The following ALPK3 variants were observed in gnomAD, a reference collection of about 807,000 sequenced individuals.
ALPK3 encodes the protein alpha kinase 3.
A neutral mutation model predicts 140.0 loss-of-function variants in ALPK3; 102 were observed. The ratio of observed to expected loss-of-function variants is 0.73; its 90% confidence interval spans 0.62 to 0.86. The LOEUF is 0.86. Ranked by LOEUF, ALPK3 falls within the 40% of genes least tolerant of loss-of-function variation. The probability of loss-of-function intolerance (pLI) is 0.00; values close to 1 mark genes in which losing one functional copy is unlikely to be tolerated. For synonymous variants in ALPK3, 938 were observed against 898.5 expected, an observed-to-expected ratio of 1.04 and a Z score of -0.79; for missense variants, 2,254 against 2,208.2, an observed-to-expected ratio of 1.02 and a Z score of -0.42.
chr15:84,856,056 G>C (rs190905273), intron 5 of ALPK3, among the ~76,000 whole-genome samples: 1 of 152,298 alleles, frequency 6.6e-6, no homozygotes, highest in East Asian at 1.9e-4. Flanking sequence ...CCTTCATATG[G>C]TAGGGGTGAG....
At position 84,856,867 on chromosome 15, in the gene ALPK3, C is replaced by T. The variant is rs202167259; in HGVS notation, c.2129C>T (p.Thr710Met). The T allele has an allele frequency of 2.4e-5, 38 of 1,613,880 alleles. No individual in the cohort carries two copies. Among genetic ancestry groups the T allele is most frequent in the East Asian group, 1.6e-4 (7 of 44,864 alleles). The change falls in exon 6 of 14, where the codon ACG (threonine) becomes ATG (methionine). Residue 710 changes from threonine to methionine, a missense_variant. Around this residue, in one of 3 missense-constraint regions of ALPK3, gnomAD observed 2,088 missense variants for 2,022.9 expected, o/e 1.03. Transcript: ENST00000258888. ...AAGGGGATGCAGGGAGAGAAGGGGA[C>T]GCAGTCAGAGGGGAGCGCGCCCACA... is the stretch of plus-strand genomic sequence containing the variant. ...GEKGMQGEKGTQSEGSAPTAM... is the reference protein window; with the variant it reads ...GEKGMQGEKGMQSEGSAPTAM...
At chr15:84,827,682 T>C (rs575735430) in intron 3 of ALPK3, 77 bp downstream of exon 3, 2 of 1,577,090 alleles carry the variant, frequency 1.3e-6, no homozygotes, top group African/African-American at 1.3e-5. Flanking sequence ...AGGACAGGAA[T>C]GGTGGGGTGG....
rs1224441388 is a variant in ALPK3, at chr15:84,873,005, G to C, written c.*4549G>C. On this transcript the variant is annotated 3_prime_UTR_variant, in exon 14 of 14. Coordinates refer to ENST00000258888, the MANE Select transcript of ALPK3 (RefSeq NM_020778.5). ...GGGGCGTCTGGCCTTTTTCATTCCT[G>C]GGACCCACAGCTCGAGGTCTGGTTT... The C allele has an allele frequency of 3.3e-5, 5 of 152,134 alleles. No individual in the cohort carries two copies. Among genetic ancestry groups the C allele is most frequent in the Admixed American group, 3.3e-4 (5 of 15,266 alleles). 9.4% of individuals were successfully genotyped at this position (152,134 alleles called of 1,614,324 possible). A position where few individuals can be genotyped will look rare whatever the true frequency, so the allele number is the denominator to read the frequency against.
Position 84,839,064 on chromosome 15 carries a change from A to T in ALPK3, c.389A>T (p.His130Leu). The change falls in exon 4 of 14, where the codon CAT (histidine) becomes CTT (leucine). Residue 130 changes from histidine (H) to leucine (L), a missense_variant. Transcript: ENST00000258888. ...YCGLPKYEIT[H>L]QGNRHTLQLY... is the part of the protein sequence containing the mutation. The stretch of plus-strand genomic sequence containing the variant: ...GGCTTGCCAAAATATGAGATCACTC[A>T]TCAGGGCAACCGCCACACACTGCAG... 6.2e-7 allele frequency: 1 copy of T among 1,609,568 alleles called. No individual in the cohort carries two copies.
chr15:84,862,804 A>G lies in ALPK3; in HGVS notation c.4299A>G (p.Glu1433=). The change falls in exon 10 of 14, where the codon GAA becomes GAG. Residue 1433 remains glutamate (E), a synonymous_variant. Transcript: ENST00000258888. The stretch of plus-strand genomic sequence containing the variant: ...AGGCCAAGGTCATCTACGGGCTGGA[A>G]CCCATCTTCGAGTCGGGCCGCACGT... ...ASQAKVIYGL[E]PIFESGRTCI... is the part of the protein sequence containing the mutation. The G allele has an allele frequency of 6.2e-7, 1 of 1,613,872 alleles. No individual in the cohort carries two copies. The highest frequency in any genetic ancestry group is 8.5e-7 in the Non-Finnish European group (1 of 1,179,970).
chr15:84,862,795 C>T lies in ALPK3; in HGVS notation c.4290C>T (p.Tyr1430=), dbSNP rs755476608. Residue 1430 remains tyrosine (Y), a synonymous_variant, in exon 10 of 14, where the codon TAC becomes TAT. Transcript: ENST00000258888. ...AGGCCTCCCAGGCCAAGGTCATCTA[C>T]GGGCTGGAACCCATCTTCGAGTCGG... is the stretch of plus-strand genomic sequence containing the variant. ...LRKASQAKVI[Y]GLEPIFESGR... 60 of 1,614,004 alleles carry T rather than the reference C, an allele frequency of 3.7e-5. No individual in the cohort carries two copies. The highest frequency in any genetic ancestry group is 6.7e-5 in the African/African-American group (5 of 74,904).
At chr15:84,843,583 C>T (rs181000591) in intron 5 of ALPK3, among the ~76,000 whole-genome samples, 6 of 152,260 alleles carry the variant, frequency 3.9e-5, no homozygotes, top group African/African-American at 9.6e-5. Context: ...GAGTTACTGA[C>T]GAGCTCCAAG....
chr15:84,820,223 G>T (rs1963406569), intron 1 of ALPK3, among the ~76,000 whole-genome samples: 1 of 152,174 alleles, frequency 6.6e-6, no homozygotes, highest in Non-Finnish European at 1.5e-5. Flanking sequence ...ATTCTTGGAG[G>T]CCCTGGTCCA....
intron 11 of ALPK3, 80 bp downstream of exon 11, chr15:84,863,720 C>A: frequency 7.2e-7 from 1 of 1,390,268 alleles, no homozygotes; most frequent in Non-Finnish European, 9.8e-7. Context: ...TTCACAGCCT[C>A]CCAGGGGCAT....
chr15:84,837,245 A>C (rs1488530592), intron 3 of ALPK3, among the ~76,000 whole-genome samples: 2 of 152,372 alleles, frequency 1.3e-5, no homozygotes, highest in East Asian at 3.9e-4. Context: ...AGAAGGACAC[A>C]GTAGAGCAGG....
At chr15:84,848,109 A>T (rs570995213) in intron 5 of ALPK3, among the ~76,000 whole-genome samples, 1 of 151,998 alleles carries the variant, frequency 6.6e-6, no homozygotes, top group Non-Finnish European at 1.5e-5. Context: ...TAAATTTTTC[A>T]TAGAGAAAGG....
rs1963372895 is a variant in ALPK3, at chr15:84,817,468, G to C, written c.16G>C (p.Ala6Pro). The C allele has an allele frequency of 7.4e-7, 1 of 1,350,034 alleles. No homozygotes were observed. Among genetic ancestry groups the C allele is most frequent in the East Asian group, 3.2e-5 (1 of 31,528 alleles). The allele number at this position is 1,350,034 out of a possible 1,614,324, so 83.6% of individuals were successfully genotyped here. Reference protein sequence around the residue: MGSRRAPSRGWGAGGR... With the variant: MGSRRPPSRGWGAGGR... ...GGGCGGTGCCATGGGGTCGCGGAGG[G>C]CCCCCAGCCGGGGCTGGGGCGCGGG... The change falls in exon 1 of 14, where the codon GCC becomes CCC. Residue 6 changes from alanine to proline, a missense_variant. By Grantham distance (27) the Ala-to-Pro change is conservative (BLOSUM62 -1). This residue lies in a region of ALPK3 where 2,088 missense variants were observed against 2,022.9 expected (regional missense o/e 1.03). Coordinates refer to ENST00000258888, the MANE Select transcript of ALPK3 (RefSeq NM_020778.5).
intron 2 of ALPK3, 89 bp downstream of exon 2, chr15:84,823,457 C>G (rs1963451176): frequency 2.0e-6 from 3 of 1,473,682 alleles, no homozygotes; most frequent in Admixed American, 3.4e-5. Flanking sequence ...CGTGCACTAA[C>G]CAGGCTGCAT....
chr15:84,856,179 G>C (rs1963857750), intron 5 of ALPK3, among the ~76,000 whole-genome samples: 1 of 152,184 alleles, frequency 6.6e-6, no homozygotes, highest in Admixed American at 6.5e-5. Context: ...TCCAGATTCT[G>C]AGATCAGAGA....
intron 5 of ALPK3, among the ~76,000 whole-genome samples, chr15:84,842,283 C>A (rs994585222): frequency 6.6e-6 from 1 of 152,244 alleles, no homozygotes; most frequent in Admixed American, 6.5e-5. Context: ...ATCTGTCCAC[C>A]TCAGCCTCCC....
chr15:84,851,390 C>T (rs895701731), intron 5 of ALPK3, among the ~76,000 whole-genome samples: 3 of 152,142 alleles, frequency 2.0e-5, no homozygotes, highest in Admixed American at 6.5e-5. Flanking sequence ...AGGGACGGGC[C>T]TCACTGATCA....
intron 1 of ALPK3, among the ~76,000 whole-genome samples, chr15:84,819,638 G>A (rs1264886392): frequency 2.0e-5 from 3 of 152,222 alleles, no homozygotes; most frequent in Non-Finnish European, 2.9e-5. Flanking sequence ...GAGATAGGGA[G>A]AAAGACAGTC....
In ALPK3 at chr15:84,858,467, G is replaced by C. The variant is rs1274748974; in HGVS notation, c.3729G>C (p.Lys1243Asn). Residue 1243 changes from lysine to asparagine, a missense_variant, in exon 6 of 14, where the codon AAG (lysine) becomes AAC (asparagine). This residue lies in a region of ALPK3 where 2,088 missense variants were observed against 2,022.9 expected (regional missense o/e 1.03). Coordinates refer to ENST00000258888, the MANE Select transcript of ALPK3 (RefSeq NM_020778.5). The stretch of plus-strand genomic sequence containing the variant: ...CAGGAGACCTGGGCCCCAGCCCCAA[G>C]GCCGGCGGTCTGGACACAGAGGTGG... ...LAAGDLGPSP[K>N]AGGLDTEVAL... The C allele has an allele frequency of 6.4e-7, 1 of 1,571,324 alleles. No homozygotes were observed. Among genetic ancestry groups the C allele is most frequent in the Non-Finnish European group, 8.6e-7 (1 of 1,163,048 alleles).
At chr15:84,865,683 G>T (rs1244169744) in intron 12 of ALPK3, among the ~76,000 whole-genome samples, 2 of 152,258 alleles carry the variant, frequency 1.3e-5, no homozygotes, top group Non-Finnish European at 2.9e-5. Flanking sequence ...AGTCGGCTGG[G>T]CGCGGAGGCT....
Sources: allele counts gnomAD v4.1 joint callset (sites outside exome capture counted in the v4.1 genomes callset), GRCh38; gene constraint gnomAD v4.1.1; regional missense constraint gnomAD v4.1.1; transcripts MANE v1.5; gene names NCBI Gene and HGNC (gene_info 2026-07-23, HGNC 2026-07-21).